Variants in VSTM5 observed in about 807,000 individuals in gnomAD.
The protein encoded by VSTM5 is V-set and transmembrane domain containing 5.
In VSTM5, 21 loss-of-function variants were observed where a neutral mutation model predicts 20.3. The observed-to-expected ratio is 1.03, with a 90% CI of 0.73 to 1.49. The LOEUF (loss-of-function observed/expected upper bound fraction) is 1.49, where lower values mean the gene tolerates loss of function less well. Among genes scored for constraint, VSTM5 ranks in the 40% most tolerant of loss-of-function variants. The pLI, the probability that VSTM5 is intolerant of heterozygous loss-of-function variation, is 0.00. For synonymous variants in VSTM5, 100 were observed against 102.5 expected (o/e 0.98, Z 0.14); for missense variants, 219 against 250.0 (o/e 0.88, Z 0.84).
rs970397065 is a variant in VSTM5 at position 93,821,086 on chromosome 11, A to G, written c.329T>C (p.Val110Ala). ...FDNGSIQLFS[V>A]GVRDSGYYVI... The stretch of plus-strand genomic sequence containing the variant: ...ATAGTAGCCGGAATCCCTCACTCCC[A>G]CGCTGAAGAGCTGGATGGAGCCGTT... The change falls in exon 2 of 4, where the codon GTG becomes GCG. Residue 110 changes from valine to alanine, a missense_variant. Coordinates refer to ENST00000409977, the MANE Select transcript of VSTM5 (RefSeq NM_001144871.2). 1.9e-5 allele frequency: 29 copies of G among 1,551,664 alleles called. No individual in the cohort carries two copies. Among genetic ancestry groups the G allele is most frequent in the Non-Finnish European group, 2.5e-5 (29 of 1,147,022 alleles).
intron 1 of VSTM5, among the ~76,000 whole-genome samples, chr11:93,842,511 C>T (rs1395159879): frequency 2.6e-5 from 4 of 152,210 alleles, no homozygotes; most frequent in Admixed American, 2.0e-4. Context: ...AAGCCACTGC[C>T]GTGATTCTGA....
At chr11:93,842,981 C>G (rs1944382689) in intron 1 of VSTM5, among the ~76,000 whole-genome samples, 1 of 152,078 alleles carries the variant, frequency 6.6e-6, no homozygotes, top group South Asian at 2.1e-4. Context: ...ATCTCAGCTA[C>G]TCAGGAGGCA....
At chr11:93,847,219 G>A (rs777391651) in intron 1 of VSTM5, among the ~76,000 whole-genome samples, 6 of 152,130 alleles carry the variant, frequency 3.9e-5, no homozygotes, top group Non-Finnish European at 8.8e-5. Flanking sequence ...ATCAGTGCAC[G>A]GCCCACGGCA....
chr11:93,829,883 G>A (rs1944267781), intron 1 of VSTM5, among the ~76,000 whole-genome samples: 2 of 152,214 alleles, frequency 1.3e-5, no homozygotes, highest in African/African-American at 4.8e-5. Context: ...GCTGAGCAGA[G>A]ATTCAAAACC....
At chr11:93,837,355 G>A (rs777270855) in intron 1 of VSTM5, among the ~76,000 whole-genome samples, 25 of 151,964 alleles carry the variant, frequency 1.6e-4, no homozygotes, top group Non-Finnish European at 2.8e-4. Context: ...TGATCCTTCC[G>A]TCTAAACATC....
chr11:93,826,582 G>A (rs1420406139), intron 1 of VSTM5, among the ~76,000 whole-genome samples: 2 of 151,842 alleles, frequency 1.3e-5, no homozygotes, highest in Non-Finnish European at 2.9e-5. Flanking sequence ...TGTATTTTTA[G>A]TAGAGACGGG....
rs145593819 is a variant in VSTM5 at position 93,829,021 on chromosome 11, C to T, written c.92-7698G>A. On this transcript the variant is annotated intron_variant, in intron 1 of 3. Coordinates refer to ENST00000409977, the MANE Select transcript of VSTM5 (RefSeq NM_001144871.2). ...TCAGCTCTCCTGCGAGGATGAGGGT[C>T]GATGACACATGTAAGGCTCAGCAAC... Among the ~76,000 whole-genome samples, 11 of 152,226 alleles carry T rather than the reference C, an allele frequency of 7.2e-5. No homozygotes were observed. The East Asian group carries it at 1.9e-3, about 27-fold the overall frequency.
intron 3 of VSTM5, 34 bp downstream of exon 3, chr11:93,820,709 C>A: frequency 1.3e-6 from 2 of 1,551,566 alleles, no homozygotes; most frequent in Non-Finnish European, 1.7e-6. Context: ...GCCTCAAAAC[C>A]ACTCATGGAT....
chr11:93,820,552 G>A lies in VSTM5; in HGVS notation c.*17C>T. Reference sequence around the variant, plus strand: ...GGTTTCCTCTTGAGGTAGGAATGCAGTCAGGCCCAGCCTTGGCTAACACTC... The same window carrying A: ...GGTTTCCTCTTGAGGTAGGAATGCAATCAGGCCCAGCCTTGGCTAACACTC... On this transcript the variant is annotated 3_prime_UTR_variant, in exon 4 of 4. Coordinates refer to ENST00000409977, the MANE Select transcript of VSTM5 (RefSeq NM_001144871.2). 6.4e-7 allele frequency: 1 copy of A among 1,551,822 alleles called. No homozygotes were observed. Among genetic ancestry groups the A allele is most frequent in the Non-Finnish European group, 8.7e-7 (1 of 1,147,008 alleles).
At chr11:93,841,238 C>A (rs1217994920) in intron 1 of VSTM5, among the ~76,000 whole-genome samples, 1 of 50,554 alleles carries the variant, frequency 2.0e-5, no homozygotes, top group Non-Finnish European at 5.2e-5. Flanking sequence ...TAAGGGGTAA[C>A]CAACAGGGAC....
At chr11:93,827,384 T>C (rs1458519266) in intron 1 of VSTM5, among the ~76,000 whole-genome samples, 1 of 152,120 alleles carries the variant, frequency 6.6e-6, no homozygotes, top group Non-Finnish European at 1.5e-5. Context: ...CTCCATCTCA[T>C]AATAATAATA....
intron 1 of VSTM5, 21 bp downstream of exon 1, chr11:93,850,391 G>A (rs1429657587): frequency 2.8e-6 from 4 of 1,451,302 alleles, no homozygotes; most frequent in East Asian, 5.8e-5. Flanking sequence ...CCCAGCACCC[G>A]GGGCGTCCCC....
chr11:93,838,781 G>C (rs776789065), intron 1 of VSTM5, among the ~76,000 whole-genome samples: 3 of 152,202 alleles, frequency 2.0e-5, no homozygotes, highest in Non-Finnish European at 2.9e-5. Context: ...CTGGGTGACA[G>C]AGCGAGACCC....
chr11:93,827,001 A>G (rs982041954), intron 1 of VSTM5, among the ~76,000 whole-genome samples: 1 of 152,190 alleles, frequency 6.6e-6, no homozygotes. Flanking sequence ...CCTCCTCTTA[A>G]TTAGACAGAC....
intron 1 of VSTM5, among the ~76,000 whole-genome samples, chr11:93,838,840 A>G (rs958196861): frequency 6.6e-6 from 1 of 152,212 alleles, no homozygotes; most frequent in Non-Finnish European, 1.5e-5. Flanking sequence ...TACAGGTAAG[A>G]AAGCCTGACA....
Position 93,820,011 on chromosome 11 carries a change from C to G in VSTM5, c.*558G>C, listed in dbSNP as rs1342459727. ...GCACAACAGCACCAACCCCCACCCC[C>G]AGTCTCTTTCCACCTCTGCTCTGAG... is the stretch of plus-strand genomic sequence containing the variant. On this transcript the variant is annotated 3_prime_UTR_variant, in exon 4 of 4. Transcript: ENST00000409977. 1 of 156,460 alleles carries G rather than the reference C, an allele frequency of 6.4e-6. No homozygotes were observed. Among genetic ancestry groups the G allele is most frequent in the African/African-American group, 2.4e-5 (1 of 41,484 alleles). 9.7% of individuals were successfully genotyped at this position (156,460 alleles called of 1,614,324 possible).
At chr11:93,833,591 G>A (rs1944299667) in intron 1 of VSTM5, among the ~76,000 whole-genome samples, 1 of 152,088 alleles carries the variant, frequency 6.6e-6, no homozygotes, top group Non-Finnish European at 1.5e-5. Flanking sequence ...TTACATATGT[G>A]GCTTGCATGT....
chr11:93,824,083 T>A (rs1199630987), intron 1 of VSTM5, among the ~76,000 whole-genome samples: 1 of 152,082 alleles, frequency 6.6e-6, no homozygotes, highest in Non-Finnish European at 1.5e-5. Context: ...AATTTTGGTC[T>A]TTTTAGTAGA....
At position 93,821,028 on chromosome 11, in the gene VSTM5, G is replaced by C; in HGVS notation, c.387C>G (p.Ser129Arg). 1 of 1,551,698 alleles carries C rather than the reference G, an allele frequency of 6.4e-7. No individual in the cohort carries two copies. The highest frequency in any genetic ancestry group is 8.7e-7 in the Non-Finnish European group (1 of 1,147,000). The change falls in exon 2 of 4, where the codon AGC becomes AGG. Residue 129 changes from serine to arginine, a missense_variant. By Grantham distance (110) the Ser-to-Arg change is moderately radical (BLOSUM62 -1). Transcript: ENST00000409977. ...CGTGCAGCACGATGGTGCCAAACTG[G>C]CTGCTCCCCAGGCGCTCCGTCACGG... ...VITVTERLGS[S>R]QFGTIVLHVS...
Sources: allele counts gnomAD v4.1 joint callset (sites outside exome capture counted in the v4.1 genomes callset), GRCh38; gene constraint gnomAD v4.1.1; transcripts MANE v1.5; gene names NCBI Gene and HGNC (gene_info 2026-07-23, HGNC 2026-07-21).